The following RBM27 variants were observed in gnomAD, a reference collection of about 807,000 sequenced individuals.
RBM27 encodes the protein RNA binding motif protein 27, also known as RNA-binding protein 27.
In RBM27, 22 loss-of-function variants were observed where a neutral mutation model predicts 135.3. That is an observed-to-expected ratio of 0.16 (90% confidence interval 0.12 to 0.23). The LOEUF is 0.23. RBM27 is among the 10% of genes least tolerant of loss of function. The pLI, the probability that RBM27 is intolerant of heterozygous loss-of-function variation, is 1.00. For synonymous variants in RBM27, 481 were observed against 442.4 expected, an observed-to-expected ratio of 1.09 and a Z score of -1.10; for missense variants, 1,009 against 1,281.0, an observed-to-expected ratio of 0.79 and a Z score of 3.24.
At chr5:146,241,061 A>G (rs979811584) in intron 8 of RBM27, among the ~76,000 whole-genome samples, 2 of 152,170 alleles carry the variant, frequency 1.3e-5, no homozygotes, top group African/African-American at 4.8e-5. Flanking sequence ...ACTTGTAAAT[A>G]TGAAAAAGTG....
chr5:146,251,237 C>G (rs1757871445), intron 8 of RBM27, among the ~76,000 whole-genome samples: 1 of 151,550 alleles, frequency 6.6e-6, no homozygotes, highest in Non-Finnish European at 1.5e-5. Context: ...GTCTTTTTTT[C>G]TGCTCTCAGA....
intron 8 of RBM27, among the ~76,000 whole-genome samples, chr5:146,244,800 C>T (rs781203512): frequency 1.5e-4 from 23 of 152,054 alleles, no homozygotes; most frequent in Admixed American, 5.9e-4. Context: ...CCTTAGTCCC[C>T]CAAAGTGCTG....
intron 8 of RBM27, among the ~76,000 whole-genome samples, chr5:146,248,563 T>G (rs1015349721): frequency 1.3e-5 from 2 of 152,182 alleles, no homozygotes; most frequent in Non-Finnish European, 2.9e-5. Flanking sequence ...CCTCCTGGGT[T>G]CAAGTGATTC....
chr5:146,262,579 G>C (rs1482890324), intron 13 of RBM27, among the ~76,000 whole-genome samples: 1 of 152,184 alleles, frequency 6.6e-6, no homozygotes, highest in Non-Finnish European at 1.5e-5. Context: ...AATACAGTCA[G>C]ATTTTTAAAA....
chr5:146,217,991 C>G (rs1240504819), intron 1 of RBM27, among the ~76,000 whole-genome samples: 2 of 152,140 alleles, frequency 1.3e-5, no homozygotes, highest in Non-Finnish European at 2.9e-5. Context: ...CTCCTGGGCT[C>G]AAATGATCCT....
intron 19 of RBM27, among the ~76,000 whole-genome samples, chr5:146,280,892 C>G (rs1284272187): frequency 6.6e-6 from 1 of 152,064 alleles, no homozygotes; most frequent in Non-Finnish European, 1.5e-5. Context: ...GAGTCTCGCT[C>G]TGTCACTCAG....
chr5:146,230,942 A>ATTGT, intron 6 of RBM27, 25 bp downstream of exon 6: 1 of 1,611,002 alleles, frequency 6.2e-7, no homozygotes, highest in Non-Finnish European at 8.5e-7. Flanking sequence ...CTTTTCTCAT[A>ATTGT]TTGTGCCCAA....
chr5:146,231,436 G>A (rs1308464172), intron 6 of RBM27, among the ~76,000 whole-genome samples: 1 of 151,838 alleles, frequency 6.6e-6, no homozygotes, highest in Non-Finnish European at 1.5e-5. Context: ...AGGGATGAAT[G>A]GGGAGGAGAA....
At chr5:146,231,095 C>A (rs1188889706) in intron 6 of RBM27, among the ~76,000 whole-genome samples, 178 bp downstream of exon 6, 2 of 152,026 alleles carry the variant, frequency 1.3e-5, no homozygotes, top group African/African-American at 4.8e-5. Flanking sequence ...GATCTTGGCT[C>A]GCTGCAACCT....
chr5:146,233,793 C>G (rs888467898), intron 7 of RBM27, 50 bp downstream of exon 7: 8 of 1,283,906 alleles, frequency 6.2e-6, no homozygotes, highest in Non-Finnish European at 8.1e-6. Context: ...TTAGAAGAAC[C>G]TCATCCCTTT....
At chr5:146,212,303 C>T (rs536137867) in intron 1 of RBM27, among the ~76,000 whole-genome samples, 15 of 151,924 alleles carry the variant, frequency 9.9e-5, no homozygotes, top group Middle Eastern at 3.4e-3. Flanking sequence ...ATCCACCCGC[C>T]TTGGCCTCCC....
chr5:146,210,066 A>G (rs552546256), intron 1 of RBM27, among the ~76,000 whole-genome samples: 3 of 152,222 alleles, frequency 2.0e-5, no homozygotes, highest in African/African-American at 4.8e-5. Context: ...TTTTTATACA[A>G]TGTATTATTT....
chr5:146,268,632 G>C (rs1414677446), intron 15 of RBM27, among the ~76,000 whole-genome samples: 1 of 152,000 alleles, frequency 6.6e-6, no homozygotes, highest in Non-Finnish European at 1.5e-5. Flanking sequence ...CACTCACGTT[G>C]AGTGCAGTGT....
At chr5:146,210,759 AAC>A (rs1755898153) in intron 1 of RBM27, among the ~76,000 whole-genome samples, 1 of 151,906 alleles carries the variant, frequency 6.6e-6, no homozygotes, top group Non-Finnish European at 1.5e-5. Context: ...CATCCTGGCT[AAC>A]ACAGTGAAAC....
chr5:146,235,514 T>A (rs865875716), intron 7 of RBM27, among the ~76,000 whole-genome samples: 11 of 151,878 alleles, frequency 7.2e-5, no homozygotes, highest in African/African-American at 2.4e-4. Flanking sequence ...TGTGATGGCC[T>A]CACTGCACTG....
At position 146,271,498 on chromosome 5, in the gene RBM27, A is replaced by G. The variant is rs760564568; in HGVS notation, c.2812A>G (p.Ile938Val). The G allele has an allele frequency of 1.1e-5, 17 of 1,611,930 alleles. No homozygotes were observed. Among genetic ancestry groups the G allele is most frequent in the South Asian group, 2.2e-5 (2 of 91,020 alleles). Residue 938 changes from isoleucine to valine, a missense_variant, in exon 19 of 21, where the codon ATT becomes GTT. Coordinates refer to ENST00000265271, the MANE Select transcript of RBM27 (RefSeq NM_018989.2). ...QLQVEAARLG[I>V]LPVGRGKTMS... Reference sequence around the variant, plus strand: ...TGTTATTCAGGCTGCACGGTTAGGTATTTTACCTGTGGGTCGAGGAAAGAC... The same window carrying G: ...TGTTATTCAGGCTGCACGGTTAGGTGTTTTACCTGTGGGTCGAGGAAAGAC...
intron 8 of RBM27, among the ~76,000 whole-genome samples, chr5:146,246,965 G>A (rs1391060552): frequency 6.7e-6 from 1 of 150,050 alleles, no homozygotes; most frequent in African/African-American, 2.4e-5. Flanking sequence ...CTGGGCTCAA[G>A]CAGGCCTCCT....
At chr5:146,218,951 T>C in intron 1 of RBM27, 34 bp from the exon 2 acceptor site, 2 of 1,416,646 alleles carry the variant, frequency 1.4e-6, no homozygotes, top group Non-Finnish European at 1.9e-6. Context: ...AAAAAGTGTT[T>C]TTTAAAATTT....
chr5:146,279,671 G>T (rs1187211608), intron 19 of RBM27, among the ~76,000 whole-genome samples: 1 of 151,596 alleles, frequency 6.6e-6, no homozygotes, highest in Non-Finnish European at 1.5e-5. Context: ...AGCTAGCTGT[G>T]GTGGCATCTG....
Sources: allele counts gnomAD v4.1 joint callset (sites outside exome capture counted in the v4.1 genomes callset), GRCh38; gene constraint gnomAD v4.1.1; transcripts MANE v1.5; gene names NCBI Gene and HGNC (gene_info 2026-07-23, HGNC 2026-07-21).